The following PCDH19 variants were observed in gnomAD, a reference collection of about 807,000 sequenced individuals.
PCDH19 encodes protocadherin 19, also known as protocadherin-19.
In PCDH19, 6 loss-of-function variants were observed where a neutral mutation model predicts 46.2. The ratio of observed to expected loss-of-function variants is 0.13; its 90% CI spans 0.07 to 0.26. The LOEUF (loss-of-function observed/expected upper bound fraction) is 0.26, where lower values mean the gene tolerates loss of function less well. Ranked by LOEUF, PCDH19 falls within the 10% of genes least tolerant of loss-of-function variation. The probability of loss-of-function intolerance (pLI) is 1.00; values close to 1 mark genes in which losing one functional copy is unlikely to be tolerated. For synonymous variants in PCDH19, 481 were observed against 415.7 expected, an observed-to-expected ratio of 1.16 and a Z score of -1.91; for missense variants, 740 against 972.3, an observed-to-expected ratio of 0.76 and a Z score of 3.18.
rs189995876 is a variant in PCDH19, at chrX:100,358,077, T to C, written c.2617-7373A>G. Reference sequence around the variant, plus strand: ...CAACTACTACCTTATAAATACACAATAGCCTATATATAACTGAAAGGGATA... The same window carrying C: ...CAACTACTACCTTATAAATACACAACAGCCTATATATAACTGAAAGGGATA... On this transcript the variant is annotated intron_variant, in intron 3 of 5. Transcript: ENST00000373034. Among the ~76,000 whole-genome samples, 4 of 112,068 alleles carry C rather than the reference T, an allele frequency of 3.6e-5. No individual in the cohort carries two copies. The East Asian group carries it at 8.4e-4, about 24-fold the overall frequency.
At chrX:100,306,875 C>T (rs1413028783) in intron 5 of PCDH19, among the ~76,000 whole-genome samples, 1 of 111,419 alleles carries the variant, frequency 9.0e-6, no homozygotes, top group East Asian at 2.8e-4. Context: ...TATAGAAACT[C>T]GTAACAGACC....
At position 100,296,371 on chromosome X, in the gene PCDH19, C is replaced by T. The variant is rs760088234; in HGVS notation, c.3353G>A (p.Ser1118Asn). The T allele has an allele frequency of 8.3e-7, 1 of 1,211,638 alleles. No individual in the cohort carries two copies. The highest frequency in any genetic ancestry group is 1.1e-6 in the Non-Finnish European group (1 of 895,439). ...GCTGACCTCATGCATGACTTTCTCG[C>T]TATCAGCTCCACGGGGCTCAGCTTC... ...PSEAEPRGADSEKVMHEVSPI... is the reference protein window; with the variant it reads ...PSEAEPRGADNEKVMHEVSPI... Residue 1118 changes from serine to asparagine, a missense_variant, in exon 6 of 6, where the codon AGC becomes AAC. Transcript: ENST00000373034.
chrX:100,348,668 T>G (rs1198486436), intron 4 of PCDH19, among the ~76,000 whole-genome samples: 1 of 111,894 alleles, frequency 8.9e-6, no homozygotes, highest in Non-Finnish European at 1.9e-5. Flanking sequence ...GTGCCTTTTG[T>G]GTGTATGTGT....
intron 3 of PCDH19, among the ~76,000 whole-genome samples, chrX:100,364,326 T>C (rs140285234): frequency 0.037 from 4,151 of 111,574 alleles, 172 homozygotes; most frequent in African/African-American, 0.13. Flanking sequence ...TCCAATAGCA[T>C]AGACATTAGC....
At chrX:100,303,921 C>T (rs994125441) in intron 5 of PCDH19, among the ~76,000 whole-genome samples, 3 of 112,434 alleles carry the variant, frequency 2.7e-5, no homozygotes, top group Non-Finnish European at 5.6e-5. Context: ...TGTGGTGTTA[C>T]CTGACAGATG....
Position 100,409,732 on chromosome X carries a change from C to T in PCDH19, c.-1135G>A. On this transcript the variant is annotated 5_prime_UTR_variant, in exon 1 of 6. Coordinates refer to ENST00000373034, the MANE Select transcript of PCDH19 (RefSeq NM_001184880.2). The stretch of plus-strand genomic sequence containing the variant: ...GGTCCGCCGCCGCCGCCGCCGCCGC[C>T]GCCGCCGCGGGAGGAAGCCCTCCTA... 7.8e-6 allele frequency: 2 copies of T among 255,167 alleles called. No homozygotes were observed. The highest frequency in any genetic ancestry group is 1.4e-5 in the Non-Finnish European group (2 of 143,578). 21.0% of individuals were successfully genotyped at this position (255,167 alleles called of 1,213,427 possible).
At chrX:100,299,629 G>T (rs1000550028) in intron 5 of PCDH19, among the ~76,000 whole-genome samples, 4 of 111,052 alleles carry the variant, frequency 3.6e-5, no homozygotes, top group African/African-American at 1.3e-4. Context: ...CTTCTCTGAG[G>T]TTTCTCTGTA....
Position 100,402,505 on chromosome X carries a change from GC to G in PCDH19, c.2616+18del. 1 of 1,190,328 alleles carries G rather than the reference GC, an allele frequency of 8.4e-7. No individual in the cohort carries two copies. The highest frequency in any genetic ancestry group is 1.1e-6 in the Non-Finnish European group (1 of 876,190). On this transcript the variant is annotated intron_variant, in intron 3 of 5. Coordinates refer to ENST00000373034, the MANE Select transcript of PCDH19 (RefSeq NM_001184880.2). Reference sequence around the variant, plus strand: ...AGGAGACCTGGGAGAACCTCACAGAGCCACTTAGCTGCACTCACCTCAGGCA... The same window carrying G: ...AGGAGACCTGGGAGAACCTCACAGAGCACTTAGCTGCACTCACCTCAGGCA...
chrX:100,341,798 G>A lies in PCDH19; in HGVS notation c.2848+105C>T, dbSNP rs183898006. 3.2e-3 allele frequency: 2,239 copies of A among 704,219 alleles called. 2 individuals carry two copies. Among genetic ancestry groups the A allele is most frequent in the Non-Finnish European group, 4.1e-3 (1,850 of 449,841 alleles). The allele number at this position is 704,219 out of a possible 1,213,427, so 58.0% of individuals were successfully genotyped here. On this transcript the variant is annotated intron_variant, in intron 5 of 5. Transcript: ENST00000373034. ...ATGCTGCTGAGGTGTGAGCTCTGTA[G>A]ACACCTTGATAATACACTCATTAAG...
intron 5 of PCDH19, among the ~76,000 whole-genome samples, chrX:100,320,536 G>A (rs1925442961): frequency 9.0e-6 from 1 of 111,650 alleles, no homozygotes; most frequent in African/African-American, 3.3e-5. Context: ...ATCGTTTTTG[G>A]ATCATTTTTG....
At chrX:100,328,181 A>T (rs768375188) in intron 5 of PCDH19, among the ~76,000 whole-genome samples, 57 of 112,239 alleles carry the variant, frequency 5.1e-4, no homozygotes, top group Middle Eastern at 4.6e-3. Flanking sequence ...TATGCTAGGT[A>T]ATTTTTTATT....
chrX:100,299,506 C>T (rs1054951167), intron 5 of PCDH19, among the ~76,000 whole-genome samples: 2 of 111,294 alleles, frequency 1.8e-5, no homozygotes, highest in Non-Finnish European at 3.8e-5. Flanking sequence ...CTCAAATGAA[C>T]AGCATGAGGA....
At chrX:100,370,586 A>G (rs1927188375) in intron 3 of PCDH19, among the ~76,000 whole-genome samples, 1 of 111,969 alleles carries the variant, frequency 8.9e-6, no homozygotes, top group African/African-American at 3.2e-5. Context: ...AATGTACCAT[A>G]GCAGAGAATG....
Position 100,295,993 on chromosome X carries a change from A to G in PCDH19, c.*284T>C. ...CATAGAAAAATATATAAATTCAAAC[A>G]CTTAATACATAATACTTTTCACAAC... On this transcript the variant is annotated 3_prime_UTR_variant, in exon 6 of 6. Transcript: ENST00000373034. 1 of 343,489 alleles carries G rather than the reference A, an allele frequency of 2.9e-6. No individual in the cohort carries two copies. The highest frequency in any genetic ancestry group is 5.1e-6 in the Non-Finnish European group (1 of 197,322). The allele number at this position is 343,489 out of a possible 1,213,427, so 28.3% of individuals were successfully genotyped here.
chrX:100,319,562 CA>C (rs951059277), intron 5 of PCDH19, among the ~76,000 whole-genome samples: 2 of 111,963 alleles, frequency 1.8e-5, no homozygotes, highest in Non-Finnish European at 3.8e-5. Context: ...ATCAGCATCT[CA>C]AAAGGCTGAA....
chrX:100,321,882 C>T (rs1213945806), intron 5 of PCDH19, among the ~76,000 whole-genome samples: 1 of 99,754 alleles, frequency 1.0e-5, no homozygotes, highest in Non-Finnish European at 2.0e-5. Context: ...CTCCGCCTCC[C>T]GGGTTCACGC....
intron 3 of PCDH19, among the ~76,000 whole-genome samples, chrX:100,399,505 T>A (rs1005401844): frequency 8.9e-6 from 1 of 112,026 alleles, no homozygotes; most frequent in Non-Finnish European, 1.9e-5. Context: ...GCTCAACAAA[T>A]ATCAGTTGAA....
chrX:100,390,467 A>G (rs1026491070), intron 3 of PCDH19, among the ~76,000 whole-genome samples: 2 of 111,657 alleles, frequency 1.8e-5, no homozygotes, highest in African/African-American at 6.5e-5. Flanking sequence ...AGTTGATCCT[A>G]CCATCAAGGA....
chrX:100,372,659 G>A (rs892133746), intron 3 of PCDH19, among the ~76,000 whole-genome samples: 1 of 112,151 alleles, frequency 8.9e-6, no homozygotes, highest in Non-Finnish European at 1.9e-5. Flanking sequence ...AAATAAATGG[G>A]CATTTATATT....
Sources: gnomAD v4.1 joint callset for allele counts (sites outside exome capture counted in the v4.1 genomes callset) on GRCh38, gnomAD v4.1.1 for gene constraint, MANE v1.5 for transcripts, NCBI Gene and HGNC (gene_info 2026-07-23, HGNC 2026-07-21) for gene names.